Variants in ACSL1 observed in about 807,000 individuals in gnomAD.
ACSL1 encodes the protein acyl-CoA synthetase long chain family member 1, also known as long-chain-fatty-acid--CoA ligase 1.
ACSL1 carries 41 observed loss-of-function variants against 98.4 expected under a neutral mutation model. That is an observed-to-expected ratio of 0.42 (90% confidence interval 0.32 to 0.54). The LOEUF is 0.54. ACSL1 is among the 20% of genes least tolerant of loss of function. The pLI, the probability that ACSL1 is intolerant of heterozygous loss-of-function variation, is 0.13. For synonymous variants in ACSL1, 316 were observed against 322.7 expected, an observed-to-expected ratio of 0.98 and a Z score of 0.22; for missense variants, 734 against 883.1, an observed-to-expected ratio of 0.83 and a Z score of 2.14.
intron 10 of ACSL1, among the ~76,000 whole-genome samples, chr4:184,771,140 C>G (rs1160084236): frequency 6.6e-6 from 1 of 151,974 alleles, no homozygotes; most frequent in Non-Finnish European, 1.5e-5. Flanking sequence ...AAAAGCAATA[C>G]TTTAATTATT....
chr4:184,785,606 CGG>C (rs796880571), intron 3 of ACSL1, among the ~76,000 whole-genome samples: 55 of 6,402 alleles, frequency 8.6e-3, no homozygotes, highest in African/African-American at 0.018. Context: ...TGGGCGGGGG[CGG>C]GGGGGGGGGG....
intron 4 of ACSL1, among the ~76,000 whole-genome samples, chr4:184,783,469 C>T (rs940675177): frequency 6.6e-5 from 10 of 152,276 alleles, no homozygotes; most frequent in African/African-American, 1.4e-4. Context: ...AGGCTGCAGG[C>T]CTTGCTTCTG....
intron 1 of ACSL1, chr4:184,821,086 A>C (rs1198780373): frequency 2.2e-6 from 1 of 456,202 alleles, no homozygotes; most frequent in Non-Finnish European, 4.4e-6. Flanking sequence ...TGCTGAAGGT[A>C]CTAATGAGTT....
Position 184,773,118 on chromosome 4 carries a change from A to G in ACSL1, c.878T>C (p.Ile293Thr). Residue 293 changes from isoleucine (I) to threonine (T), a missense_variant, in exon 10 of 21, where the codon ATA becomes ACA. Coordinates refer to ENST00000281455, the MANE Select transcript of ACSL1 (RefSeq NM_001995.5). This position sits in a 1 kb window ranked among gnomAD's most constrained non-coding sequence, Gnocchi z 4.3. Reference sequence around the variant, plus strand: ...CACAAAAGCTGAACAATCGCTCACTATGTTTCGGTGAGTGACCATTGCTCC... The same window carrying G: ...CACAAAAGCTGAACAATCGCTCACTGTGTTTCGGTGAGTGACCATTGCTCC... ...PKGAMVTHRNIVSDCSAFVKA... is the reference protein window; with the variant it reads ...PKGAMVTHRNTVSDCSAFVKA... 1.2e-6 allele frequency: 2 copies of G among 1,614,070 alleles called. No homozygotes were observed. The highest frequency in any genetic ancestry group is 1.7e-6 in the Non-Finnish European group (2 of 1,179,922).
At chr4:184,814,772 T>C (rs1214207725) in intron 1 of ACSL1, among the ~76,000 whole-genome samples, 1 of 152,136 alleles carries the variant, frequency 6.6e-6, no homozygotes. Context: ...GAATGACAGA[T>C]AGGATATAAA....
At chr4:184,800,919 C>G (rs1247355850) in intron 2 of ACSL1, among the ~76,000 whole-genome samples, 1 of 152,210 alleles carries the variant, frequency 6.6e-6, no homozygotes, top group East Asian at 1.9e-4. Flanking sequence ...GTGGCACAGT[C>G]ATAGCTCACT....
chr4:184,758,773 T>C (rs1353320620), intron 18 of ACSL1: 1 of 152,240 alleles, frequency 6.6e-6, no homozygotes, highest in Non-Finnish European at 1.5e-5. Context: ...TTCTTTTTTT[T>C]TTAAATTATA....
At chr4:184,824,522 A>G (rs1773312182) in intron 1 of ACSL1, among the ~76,000 whole-genome samples, 1 of 152,212 alleles carries the variant, frequency 6.6e-6, no homozygotes, top group Non-Finnish European at 1.5e-5. Flanking sequence ...GTGTGCGGCT[A>G]ACAAGTTTAT....
chr4:184,808,402 T>TG (rs1485574049), intron 1 of ACSL1: 5 of 985,344 alleles, frequency 5.1e-6, no homozygotes, highest in Non-Finnish European at 6.0e-6. Flanking sequence ...AATGGCAGTT[T>TG]GATGGAATAC....
intron 1 of ACSL1, among the ~76,000 whole-genome samples, chr4:184,824,334 T>C (rs990302561): frequency 2.0e-5 from 3 of 151,534 alleles, no homozygotes; most frequent in African/African-American, 4.9e-5. Context: ...TCCATGTTGG[T>C]CAGGCTGGTC....
At chr4:184,767,334 C>A (rs1363672716) in intron 12 of ACSL1, among the ~76,000 whole-genome samples, 2 of 149,540 alleles carry the variant, frequency 1.3e-5, no homozygotes, top group African/African-American at 4.9e-5. Context: ...TATACCCATA[C>A]AGTGGAATAC....
chr4:184,778,664 C>A (rs545310963), intron 5 of ACSL1, among the ~76,000 whole-genome samples: 1 of 152,316 alleles, frequency 6.6e-6, no homozygotes, highest in East Asian at 1.9e-4. Flanking sequence ...GGAAGAGAGG[C>A]CGAGTCACTG....
chr4:184,773,496 G>T lies in ACSL1; in HGVS notation c.841+167C>A, dbSNP rs1183909726. On this transcript the variant is annotated intron_variant, in intron 9 of 20. Transcript: ENST00000281455. The surrounding 1 kb of genome is among the most constrained non-coding windows in gnomAD (Gnocchi z 4.3). ...TTTGAGGAATTATCCGGCACTCTTG[G>T]ACTCTGAGAAGATCTTACAGAGCAA... 6.6e-6 allele frequency among the ~76,000 whole-genome samples: 1 copy of T among 152,230 alleles called. No homozygotes were observed. The highest frequency in any genetic ancestry group is 6.5e-5 in the Admixed American group (1 of 15,300).
intron 5 of ACSL1, among the ~76,000 whole-genome samples, chr4:184,779,380 G>A (rs1765847238): frequency 6.6e-6 from 1 of 152,142 alleles, no homozygotes; most frequent in African/African-American, 2.4e-5. Flanking sequence ...CCATGATTCT[G>A]AGGCCCCCCC....
In ACSL1 at chr4:184,777,109, C is replaced by T. The variant is rs180819172; in HGVS notation, c.478-126G>A. On this transcript the variant is annotated intron_variant, in intron 5 of 20. Transcript: ENST00000281455. ...GCAGCAAAATTAACATCTGTGTTAG[C>T]TACTACTCTGTGCCAGGTGCTATAA... 1,373 of 792,022 alleles carry T rather than the reference C, an allele frequency of 1.7e-3. 5 individuals are homozygous for T. Among genetic ancestry groups the T allele is most frequent in the Non-Finnish European group, 2.6e-3 (1,246 of 481,424 alleles). 49.1% of individuals were successfully genotyped at this position (792,022 alleles called of 1,614,324 possible). A position where few individuals can be genotyped will look rare whatever the true frequency, so the allele number is the denominator to read the frequency against.
intron 1 of ACSL1, among the ~76,000 whole-genome samples, chr4:184,804,334 C>A (rs1771044323): frequency 6.6e-6 from 1 of 152,184 alleles, no homozygotes; most frequent in Non-Finnish European, 1.5e-5. Context: ...AATCCCAGCA[C>A]TTTGGGAAGC....
intron 1 of ACSL1, chr4:184,812,156 T>G (rs2150480894): frequency 1.0e-6 from 1 of 983,260 alleles, no homozygotes; most frequent in Non-Finnish European, 1.2e-6. Context: ...TGTCTTACAC[T>G]TACAGCGAAT....
intron 1 of ACSL1, among the ~76,000 whole-genome samples, chr4:184,822,937 C>A (rs887856230): frequency 3.3e-5 from 5 of 152,198 alleles, no homozygotes; most frequent in African/African-American, 9.7e-5. Flanking sequence ...CCTGGTAAAA[C>A]TGCCCCTGCC....
chr4:184,762,631 G>T, intron 16 of ACSL1, 108 bp from the exon 17 acceptor site: 1 of 968,984 alleles, frequency 1.0e-6, no homozygotes, highest in East Asian at 2.5e-5. Flanking sequence ...TTAGCTGGAA[G>T]CCCTAAACTC....
Sources: gnomAD v4.1 joint callset for allele counts (sites outside exome capture counted in the v4.1 genomes callset) on GRCh38, gnomAD v4.1.1 for gene constraint, Gnocchi (gnomAD v3.1) non-coding constraint, MANE v1.5 for transcripts, NCBI Gene and HGNC (gene_info 2026-07-23, HGNC 2026-07-21) for gene names.